ZNF33B: variants seen among roughly 807,000 people sequenced by gnomAD.
ZNF33B encodes the protein zinc finger protein 33B.
Under a neutral mutation model 45.8 loss-of-function variants are expected in ZNF33B, and 29 were observed. The observed-to-expected ratio is 0.63, with a 90% CI of 0.47 to 0.86. The LOEUF (loss-of-function observed/expected upper bound fraction) is 0.86, where lower values mean the gene tolerates loss of function less well. ZNF33B is among the 40% of genes least tolerant of loss of function. The pLI is 0.00. For missense variants in ZNF33B, 831 were observed against 909.9 expected, an observed-to-expected ratio of 0.91 and a Z score of 1.12; for synonymous variants, 305 against 307.8, an observed-to-expected ratio of 0.99 and a Z score of 0.10.
chr10:42,604,858 T>C (rs987757455), intron 4 of ZNF33B, among the ~76,000 whole-genome samples: 3 of 150,718 alleles, frequency 2.0e-5, no homozygotes, highest in Non-Finnish European at 4.4e-5. Context: ...GAGGCAGAGG[T>C]TGCAGCGAGA....
intron 4 of ZNF33B, 71 bp downstream of exon 4, chr10:42,631,858 C>T: frequency 7.3e-7 from 1 of 1,373,558 alleles, no homozygotes; most frequent in South Asian, 1.2e-5. Flanking sequence ...CCAAAGTTGC[C>T]AAACCCTGAA....
intron 1 of ZNF33B, among the ~76,000 whole-genome samples, chr10:42,581,188 A>G (rs1836817052): frequency 6.6e-6 from 1 of 152,016 alleles, no homozygotes; most frequent in Non-Finnish European, 1.5e-5. Context: ...AAATCCAAGA[A>G]TGAAAGTGTG....
rs1283815569 is a variant in ZNF33B, at chr10:42,590,185, A to AG, written c.*2427dup. On this transcript the variant is annotated 3_prime_UTR_variant, in exon 5 of 5. Transcript: ENST00000359467. The stretch of plus-strand genomic sequence containing the variant: ...GTGTTCACTGGAAATATTGATCTGT[A>AG]GTTTTCCTTTCTTGTAATGTTTTTG... The AG allele has an allele frequency of 6.8e-6, 1 of 146,248 alleles. No individual in the cohort carries two copies. Among genetic ancestry groups the AG allele is most frequent in the Non-Finnish European group, 1.5e-5 (1 of 67,504 alleles). The allele number at this position is 146,248 out of a possible 1,614,324, so 9.1% of individuals were successfully genotyped here. A position where few individuals can be genotyped will look rare whatever the true frequency, so the allele number is the denominator to read the frequency against.
intron 1 of ZNF33B, 141 bp from the exon 2 acceptor site, chr10:42,637,113 G>A (rs1839341306): frequency 5.6e-6 from 4 of 720,276 alleles, no homozygotes; most frequent in Admixed American, 5.6e-5. Flanking sequence ...CTGACACTTC[G>A]GAATAGGGGG....
At chr10:42,601,612 T>C (rs958863037) in intron 4 of ZNF33B, among the ~76,000 whole-genome samples, 2 of 151,056 alleles carry the variant, frequency 1.3e-5, no homozygotes, top group African/African-American at 4.9e-5. Flanking sequence ...TAGCTGGGAC[T>C]ACAGGTGCCT....
At chr10:42,629,526 C>T (rs1838959045) in intron 4 of ZNF33B, among the ~76,000 whole-genome samples, 1 of 152,130 alleles carries the variant, frequency 6.6e-6, no homozygotes, top group Non-Finnish European at 1.5e-5. Context: ...GATTATTACA[C>T]GTTGTGTGCC....
intron 1 of ZNF33B, among the ~76,000 whole-genome samples, chr10:42,576,590 G>A (rs1468615016): frequency 7.9e-5 from 12 of 152,114 alleles, no homozygotes; most frequent in Non-Finnish European, 1.5e-5. Context: ...AGTCAGACCA[G>A]AGCTTTTCAG....
chr10:42,577,234 G>C (rs1212877921), intron 1 of ZNF33B, among the ~76,000 whole-genome samples: 1 of 151,014 alleles, frequency 6.6e-6, no homozygotes, highest in Non-Finnish European at 1.5e-5. Flanking sequence ...AAACAAACCA[G>C]AAATGAAAGT....
At chr10:42,617,396 A>C (rs1838372702) in intron 4 of ZNF33B, among the ~76,000 whole-genome samples, 1 of 151,944 alleles carries the variant, frequency 6.6e-6, no homozygotes, top group African/African-American at 2.4e-5. Context: ...TTGCCACCGC[A>C]CCCAGCCTGG....
At position 42,594,446 on chromosome 10, in the gene ZNF33B, G is replaced by T. The variant is rs370800363; in HGVS notation, c.504C>A (p.Asp168Glu). Residue 168 changes from aspartate (D) to glutamate (E), a missense_variant, in exon 5 of 5, where the codon GAC (aspartate) becomes GAA (glutamate). Transcript: ENST00000359467. ...SKINYLGKKS[D>E]EFNACGKLLL... ...ACAATTTCCCACATGCATTAAATTC[G>T]TCAGACTTTTTTCCTAAATAGTTTA... 17 of 1,613,510 alleles carry T rather than the reference G, an allele frequency of 1.1e-5. No homozygotes were observed. The highest frequency in any genetic ancestry group is 1.3e-5 in the Non-Finnish European group (15 of 1,179,794).
chr10:42,589,521 G>A lies in ZNF33B; in HGVS notation c.*3092C>T, dbSNP rs2132025038. Reference sequence around the variant, plus strand: ...TCGATAGTTTTGCCTCTCCCAGAATGTCATATAATTGCAATCATACAACAT... The same window carrying A: ...TCGATAGTTTTGCCTCTCCCAGAATATCATATAATTGCAATCATACAACAT... On this transcript the variant is annotated 3_prime_UTR_variant, in exon 5 of 5. Transcript: ENST00000359467. 1 of 152,236 alleles carries A rather than the reference G, an allele frequency of 6.6e-6. No homozygotes were observed. The highest frequency in any genetic ancestry group is 3.4e-3 in the Middle Eastern group (1 of 294). 9.4% of individuals were successfully genotyped at this position (152,236 alleles called of 1,614,324 possible). A position where few individuals can be genotyped will look rare whatever the true frequency, so the allele number is the denominator to read the frequency against.
chr10:42,618,475 GTTTGT>G (rs779397008), intron 4 of ZNF33B, among the ~76,000 whole-genome samples: 10 of 152,134 alleles, frequency 6.6e-5, no homozygotes, highest in Non-Finnish European at 1.3e-4. Flanking sequence ...CACATGCTAA[GTTTGT>G]TTTTAGTTTT....
chr10:42,593,717 T>C lies in ZNF33B; in HGVS notation c.1233A>G (p.Lys411=), dbSNP rs1453464726. 3 of 1,613,482 alleles carry C rather than the reference T, an allele frequency of 1.9e-6. No individual in the cohort carries two copies. The highest frequency in any genetic ancestry group is 2.2e-5 in the East Asian group (1 of 44,852). Residue 411 remains lysine, a synonymous_variant, in exon 5 of 5, where the codon AAA becomes AAG. Transcript: ENST00000359467. ...TLHQRTHTGE[K]PYQCNACGKT... ...TCCCACATGCATTACACTGATAGGG[T>C]TTCTCCCCTGTATGTGTTCTCTGGT...
intron 2 of ZNF33B, chr10:42,632,784 G>A (rs752278389): frequency 3.7e-6 from 1 of 269,400 alleles, no homozygotes. Flanking sequence ...AGCAAAGTTA[G>A]CTCTGCTTTG....
At chr10:42,612,658 T>C (rs1372134214) in intron 4 of ZNF33B, among the ~76,000 whole-genome samples, 1 of 152,182 alleles carries the variant, frequency 6.6e-6, no homozygotes, top group Non-Finnish European at 1.5e-5. Flanking sequence ...TAGTGTGCGG[T>C]TTTTCTTCTT....
At chr10:42,585,789 A>G (rs1836922706), downstream of ZNF33B, among the ~76,000 whole-genome samples, 1 of 152,184 alleles carries the variant, frequency 6.6e-6, no homozygotes, top group African/African-American at 2.4e-5. Flanking sequence ...TGGCAAGTTT[A>G]AGCCTCTTGG....
intron 4 of ZNF33B, among the ~76,000 whole-genome samples, chr10:42,617,086 T>C (rs209380): frequency 0.78 from 104,229 of 134,284 alleles, 41,151 homozygotes; most frequent in East Asian, 0.96. Context: ...ATTGTTCATT[T>C]TTTCTCTTTT....
intron 4 of ZNF33B, among the ~76,000 whole-genome samples, chr10:42,624,433 T>C (rs1033472503): frequency 4.6e-5 from 7 of 152,196 alleles, no homozygotes; most frequent in African/African-American, 1.7e-4. Flanking sequence ...ATACATACAG[T>C]AGTCACTCCT....
intron 4 of ZNF33B, among the ~76,000 whole-genome samples, chr10:42,619,708 T>C (rs1004469251): frequency 2.6e-5 from 4 of 152,148 alleles, no homozygotes; most frequent in Admixed American, 1.3e-4. Context: ...TATAAAGACA[T>C]AATCTGTGAC....
Sources: gnomAD v4.1 joint callset for allele counts (sites outside exome capture counted in the v4.1 genomes callset) on GRCh38, gnomAD v4.1.1 for gene constraint, MANE v1.5 for transcripts, NCBI Gene and HGNC (gene_info 2026-07-23, HGNC 2026-07-21) for gene names.